AGAP1: variants seen among roughly 807,000 people sequenced by gnomAD.
AGAP1 encodes ArfGAP with GTPase domain, ankyrin repeat and PH domain 1, also known as arf-GAP with GTPase, ANK repeat and PH domain-containing protein 1.
AGAP1 carries 29 observed loss-of-function variants against 105.3 expected under a neutral mutation model. The observed-to-expected ratio is 0.28, with a 90% CI of 0.21 to 0.38. AGAP1 has a LOEUF of 0.38. AGAP1 is among the 10% of genes least tolerant of loss of function. The probability of loss-of-function intolerance (pLI) is 1.00; values close to 1 mark genes in which losing one functional copy is unlikely to be tolerated. For synonymous variants in AGAP1, 509 were observed against 485.9 expected (o/e 1.05, Z -0.63); for missense variants, 998 against 1,165.1 (o/e 0.86, Z 2.09).
chr2:235,776,766 C>T (rs1955898357), intron 6 of AGAP1, among the ~76,000 whole-genome samples: 2 of 152,174 alleles, frequency 1.3e-5, no homozygotes, highest in Admixed American at 6.5e-5. Context: ...ACTGCAAGCT[C>T]GCACCCTTTC....
intron 9 of AGAP1, among the ~76,000 whole-genome samples, chr2:235,809,015 T>C (rs1331466606): frequency 1.3e-5 from 2 of 152,174 alleles, no homozygotes; most frequent in Non-Finnish European, 2.9e-5. Context: ...ATAATTCTTT[T>C]TCATAAACTG....
At chr2:235,890,949 A>AAAAAAAAAAAAAC (rs2050512455) in intron 10 of AGAP1, among the ~76,000 whole-genome samples, 4 of 151,766 alleles carry the variant, frequency 2.6e-5, no homozygotes, top group Non-Finnish European at 5.9e-5. Flanking sequence ...GCTCAAAAAA[A>AAAAAAAAAAAAAC]AAAACACCTC....
At chr2:235,998,655 AGGT>A (rs1240014532) in intron 13 of AGAP1, among the ~76,000 whole-genome samples, 14 of 151,914 alleles carry the variant, frequency 9.2e-5, no homozygotes, top group African/African-American at 1.4e-4. Context: ...TGATGGTGAG[AGGT>A]GGTGGTGGTG....
rs1350787795 is a variant in AGAP1, at chr2:235,843,075, CAG to C, written c.1050+35746_1050+35747del. ...GAGGACACGGGTCTTCATAATGAAA[CAG>C]AAGTGCTCATTGTCCTGTTGCCACC... On this transcript the variant is annotated intron_variant, in intron 9 of 17. Coordinates refer to ENST00000304032, the MANE Select transcript of AGAP1 (RefSeq NM_001037131.3). The surrounding 1 kb of genome is among the most constrained non-coding windows in gnomAD (Gnocchi z 5.9). 6.6e-6 allele frequency among the ~76,000 whole-genome samples: 1 copy of C among 152,172 alleles called. No individual in the cohort carries two copies. The highest frequency in any genetic ancestry group is 2.4e-5 in the African/African-American group (1 of 41,422).
chr2:235,827,461 A>G lies in AGAP1; in HGVS notation c.1050+20130A>G, dbSNP rs193191079. Among the ~76,000 whole-genome samples, 11 of 152,304 alleles carry G rather than the reference A, an allele frequency of 7.2e-5. No individual in the cohort carries two copies. In the East Asian group the frequency reaches 2.1e-3, roughly 29 times the overall value. The stretch of plus-strand genomic sequence containing the variant: ...TTTCTCCTGGTATTTCTGCACTTTA[A>G]TGACTATTTCTACTAATACTTGTAC... On this transcript the variant is annotated intron_variant, in intron 9 of 17. Transcript: ENST00000304032.
chr2:235,764,094 G>C (rs906598172), intron 6 of AGAP1, among the ~76,000 whole-genome samples: 5 of 152,226 alleles, frequency 3.3e-5, no homozygotes, highest in Non-Finnish European at 5.9e-5. Flanking sequence ...ACATGTGGAG[G>C]CGAACTTCCA....
chr2:235,589,226 A>T (rs1945249095), intron 1 of AGAP1, among the ~76,000 whole-genome samples: 1 of 49,558 alleles, frequency 2.0e-5, no homozygotes, highest in Non-Finnish European at 4.0e-5. Context: ...TTTTTTTGAG[A>T]CGGAGTTTCG....
intron 1 of AGAP1, among the ~76,000 whole-genome samples, chr2:235,676,775 AATTAT>A (rs1176996282): frequency 3.9e-5 from 6 of 152,334 alleles, no homozygotes; most frequent in African/African-American, 1.4e-4. Context: ...GATTTGAAAC[AATTAT>A]ATTAACTTAA....
intron 1 of AGAP1, among the ~76,000 whole-genome samples, chr2:235,548,377 G>A (rs1296200534): frequency 2.0e-5 from 3 of 152,132 alleles, no homozygotes; most frequent in Admixed American, 1.3e-4. Context: ...ATGCAACAAT[G>A]GGCCAGGCGC....
chr2:236,063,110 T>G (rs1450972188), intron 16 of AGAP1, among the ~76,000 whole-genome samples: 1 of 152,016 alleles, frequency 6.6e-6, no homozygotes, highest in Non-Finnish European at 1.5e-5. Context: ...TTTATTTTTT[T>G]TGAGCCAGAG....
chr2:235,871,524 A>G (rs1194849106), intron 9 of AGAP1, among the ~76,000 whole-genome samples: 1 of 152,040 alleles, frequency 6.6e-6, no homozygotes, highest in African/African-American at 2.4e-5. Context: ...CACAACTTCC[A>G]CTCATGCTTC....
rs139998841 is a variant in AGAP1, at chr2:236,073,073, G to A, written c.2114+23792G>A. Among the ~76,000 whole-genome samples the A allele has an allele frequency of 0.012, 1,792 of 151,720 alleles. 13 individuals are homozygous for A. Among genetic ancestry groups the A allele is most frequent in the Non-Finnish European group, 0.018 (1,220 of 67,948 alleles). ...TGCAGTGGTGCAATCTCAGCTCACT[G>A]CAACTTCCGCCTCCCAGATTCGAGC... On this transcript the variant is annotated intron_variant, in intron 16 of 17. Coordinates refer to ENST00000304032, the MANE Select transcript of AGAP1 (RefSeq NM_001037131.3). The surrounding 1 kb of genome is among the most constrained non-coding windows in gnomAD (Gnocchi z 5.4).
At position 236,110,958 on chromosome 2, in the gene AGAP1, C is replaced by T. The variant is rs28612853; in HGVS notation, c.2115-9234C>T. On this transcript the variant is annotated intron_variant, in intron 16 of 17. Coordinates refer to ENST00000304032, the MANE Select transcript of AGAP1 (RefSeq NM_001037131.3). ...TTCGGTCTCTGCTTCATGGAGAATACCTCATTGCTACGTCCTCACGTGATA... is the reference window on the plus strand; with the variant it reads ...TTCGGTCTCTGCTTCATGGAGAATATCTCATTGCTACGTCCTCACGTGATA... 4.6e-3 allele frequency among the ~76,000 whole-genome samples: 697 copies of T among 152,292 alleles called. 6 individuals carry two copies. Among genetic ancestry groups the T allele is most frequent in the African/African-American group, 0.016 (668 of 41,560 alleles).
chr2:236,044,465 G>C lies in AGAP1; in HGVS notation c.1891+3624G>C, dbSNP rs1005336927. Among the ~76,000 whole-genome samples, 1 of 152,082 alleles carries C rather than the reference G, an allele frequency of 6.6e-6. No individual in the cohort carries two copies. The highest frequency in any genetic ancestry group is 1.5e-5 in the Non-Finnish European group (1 of 68,018). On this transcript the variant is annotated intron_variant, in intron 15 of 17. Coordinates refer to ENST00000304032, the MANE Select transcript of AGAP1 (RefSeq NM_001037131.3). The surrounding 1 kb of genome is among the most constrained non-coding windows in gnomAD (Gnocchi z 5.7). ...CATCCATGTCGCCCATGAAGCCCTG[G>C]TTGGAGCTGACCGTGCGCTGGTCCC...
chr2:235,614,389 A>T lies in AGAP1; in HGVS notation c.164-94790A>T, dbSNP rs1383579204. Among the ~76,000 whole-genome samples the T allele has an allele frequency of 2.6e-5, 4 of 151,886 alleles. No homozygotes were observed. Among genetic ancestry groups the T allele is most frequent in the Non-Finnish European group, 5.9e-5 (4 of 67,994 alleles). ...TGCTTCAGGTCTCAGATGGCATAGG[A>T]GTGTGTGTCATCCCAGAGGAGCAGC... On this transcript the variant is annotated intron_variant, in intron 1 of 17. Transcript: ENST00000304032. The surrounding 1 kb of genome is among the most constrained non-coding windows in gnomAD (Gnocchi z 4.7).
intron 1 of AGAP1, among the ~76,000 whole-genome samples, chr2:235,529,064 A>G (rs187340986): frequency 1.6e-3 from 247 of 152,332 alleles, no homozygotes; most frequent in African/African-American, 5.5e-3. Flanking sequence ...GAGAGCCACA[A>G]AACACCACGT....
chr2:235,795,302 A>T (rs1193852066), intron 6 of AGAP1, among the ~76,000 whole-genome samples: 1 of 152,174 alleles, frequency 6.6e-6, no homozygotes, highest in Admixed American at 6.5e-5. Flanking sequence ...GCGCCCAGAG[A>T]TTCCACCCCG....
chr2:235,977,076 G>C lies in AGAP1; in HGVS notation c.1645+8453G>C, dbSNP rs2054892569. 6.6e-6 allele frequency among the ~76,000 whole-genome samples: 1 copy of C among 152,158 alleles called. No homozygotes were observed. Among genetic ancestry groups the C allele is most frequent in the African/African-American group, 2.4e-5 (1 of 41,436 alleles). On this transcript the variant is annotated intron_variant, in intron 13 of 17. Transcript: ENST00000304032. The surrounding 1 kb of genome is among the most constrained non-coding windows in gnomAD (Gnocchi z 5.2). ...AACTCCTTTTTTTTAGCTAGACTTAGAGATTCTCTTCTGCGAGTGGGGCTC... is the reference window on the plus strand; with the variant it reads ...AACTCCTTTTTTTTAGCTAGACTTACAGATTCTCTTCTGCGAGTGGGGCTC...
Position 235,889,585 on chromosome 2 carries a change from C to G in AGAP1, c.1155+6136C>G, listed in dbSNP as rs542033883. Among the ~76,000 whole-genome samples the G allele has an allele frequency of 6.7e-6, 1 of 149,226 alleles. No individual in the cohort carries two copies. The highest frequency in any genetic ancestry group is 1.5e-5 in the Non-Finnish European group (1 of 67,664). ...TTTAGCCCTGAGCCCCAAGCTCAGTCCTTACATAGATTGTTTAGGAGACCA... is the reference window on the plus strand; with the variant it reads ...TTTAGCCCTGAGCCCCAAGCTCAGTGCTTACATAGATTGTTTAGGAGACCA... On this transcript the variant is annotated intron_variant, in intron 10 of 17. Transcript: ENST00000304032. The surrounding 1 kb of genome is among the most constrained non-coding windows in gnomAD (Gnocchi z 4.6).
Sources: gnomAD v4.1 joint callset for allele counts (sites outside exome capture counted in the v4.1 genomes callset) on GRCh38, gnomAD v4.1.1 for gene constraint, Gnocchi (gnomAD v3.1) non-coding constraint, MANE v1.5 for transcripts, NCBI Gene and HGNC (gene_info 2026-07-23, HGNC 2026-07-21) for gene names.